KIRREL3: variants seen among roughly 807,000 people sequenced by gnomAD.
The protein encoded by KIRREL3 is kirre like nephrin family adhesion molecule 3.
Under a neutral mutation model 89.7 loss-of-function variants are expected in KIRREL3, and 36 were observed. The ratio of observed to expected loss-of-function variants is 0.40; its 90% CI spans 0.31 to 0.53. The LOEUF (loss-of-function observed/expected upper bound fraction) is 0.53. Ranked by LOEUF, KIRREL3 falls within the 20% of genes least tolerant of loss-of-function variation. The probability of loss-of-function intolerance (pLI) is 0.49; values close to 1 mark genes in which losing one functional copy is unlikely to be tolerated. For missense variants in KIRREL3, 864 were observed against 1,056.6 expected (o/e 0.82, Z 2.53); for synonymous variants, 445 against 441.4 (o/e 1.01, Z -0.10).
chr11:126,514,959 C>T (rs2134409604), intron 4 of KIRREL3, among the ~76,000 whole-genome samples: 1 of 152,326 alleles, frequency 6.6e-6, no homozygotes, highest in African/African-American at 2.4e-5. Context: ...CTAAATTTTC[C>T]CTAAGCCTTG....
Position 126,574,869 on chromosome 11 carries a change from G to A in KIRREL3, c.56-11957C>T, listed in dbSNP as rs1353019674. 3.9e-5 allele frequency among the ~76,000 whole-genome samples: 6 copies of A among 152,220 alleles called. No individual in the cohort carries two copies. Among genetic ancestry groups the A allele is most frequent in the African/African-American group, 1.2e-4 (5 of 41,450 alleles). On this transcript the variant is annotated intron_variant, in intron 1 of 16. Transcript: ENST00000525144. This position sits in a 1 kb window ranked among gnomAD's most constrained non-coding sequence, Gnocchi z 5.3. ...TTCTTGGAATAGGAATGAATAGTAC[G>A]AGAAAATACCTGGGTCCACACTGGC...
chr11:126,473,474 G>A lies in KIRREL3; in HGVS notation c.434-8C>T, dbSNP rs760586509. ...CGGGGTCATCAGGCGGCACTGCGGG[G>A]AGAGAAGCAGTGAGGTCAGGCCGAG... is the stretch of plus-strand genomic sequence containing the variant. On this transcript the variant is annotated splice_polypyrimidine_tract_variant and splice_region_variant and intron_variant, in intron 4 of 16. Coordinates refer to ENST00000525144, the MANE Select transcript of KIRREL3 (RefSeq NM_032531.4). 6.5e-7 allele frequency: 1 copy of A among 1,541,484 alleles called. No homozygotes were observed. Among genetic ancestry groups the A allele is most frequent in the African/African-American group, 1.4e-5 (1 of 74,004 alleles).
rs1318138179 is a variant in KIRREL3, at chr11:126,909,767, G to A, written c.55+90688C>T. 2.6e-5 allele frequency among the ~76,000 whole-genome samples: 4 copies of A among 152,128 alleles called. No homozygotes were observed. Among genetic ancestry groups the A allele is most frequent in the Admixed American group, 6.5e-5 (1 of 15,284 alleles). On this transcript the variant is annotated intron_variant, in intron 1 of 16. Coordinates refer to ENST00000525144, the MANE Select transcript of KIRREL3 (RefSeq NM_032531.4). The surrounding 1 kb of genome is among the most constrained non-coding windows in gnomAD (Gnocchi z 4.5). ...TGTCTCAGCTTTCATGAAAACAGTT[G>A]TGCATGAGGCTGAAGCACCGCCATT...
At chr11:126,932,855 T>C (rs1382155605) in intron 1 of KIRREL3, among the ~76,000 whole-genome samples, 1 of 152,248 alleles carries the variant, frequency 6.6e-6, no homozygotes, top group Non-Finnish European at 1.5e-5. Context: ...TATGATCTAA[T>C]AATTTATTAA....
chr11:126,452,222 T>C (rs2134221126), intron 7 of KIRREL3, among the ~76,000 whole-genome samples: 1 of 152,368 alleles, frequency 6.6e-6, no homozygotes, highest in African/African-American at 2.4e-5. Context: ...ATATCTCCCT[T>C]AGAGCTTAAG....
chr11:126,656,832 G>T lies in KIRREL3; in HGVS notation c.56-93920C>A, dbSNP rs1945160996. Among the ~76,000 whole-genome samples, 1 of 152,140 alleles carries T rather than the reference G, an allele frequency of 6.6e-6. No individual in the cohort carries two copies. The highest frequency in any genetic ancestry group is 1.5e-5 in the Non-Finnish European group (1 of 68,026). The stretch of plus-strand genomic sequence containing the variant: ...TTTGGGAGGCCAAGGTGTGTGCATC[G>T]CTTGGGGCTGGGAGTCCCAGACCAG... On this transcript the variant is annotated intron_variant, in intron 1 of 16. Coordinates refer to ENST00000525144, the MANE Select transcript of KIRREL3 (RefSeq NM_032531.4). The surrounding 1 kb of genome is among the most constrained non-coding windows in gnomAD (Gnocchi z 4.0).
rs1164038117 is a variant in KIRREL3, at chr11:126,558,153, A to G, written c.133+4682T>C. Among the ~76,000 whole-genome samples the G allele has an allele frequency of 6.6e-6, 1 of 152,176 alleles. No individual in the cohort carries two copies. The highest frequency in any genetic ancestry group is 1.5e-5 in the Non-Finnish European group (1 of 68,016). The stretch of plus-strand genomic sequence containing the variant: ...CCTGTGCAGGCCCCCCTCTGCCCCA[A>G]GGGGATGGCTGAAGGGGAGGTCAAA... On this transcript the variant is annotated intron_variant, in intron 2 of 16. Transcript: ENST00000525144. The surrounding 1 kb of genome is among the most constrained non-coding windows in gnomAD (Gnocchi z 4.0).
intron 1 of KIRREL3, among the ~76,000 whole-genome samples, chr11:126,634,198 G>C (rs1240112407): frequency 5.3e-5 from 8 of 152,164 alleles, no homozygotes; most frequent in Admixed American, 4.6e-4. Context: ...GGTACCGAAG[G>C]CTCTGAGTAA....
At chr11:126,588,271 T>A (rs976444718) in intron 1 of KIRREL3, among the ~76,000 whole-genome samples, 9 of 152,252 alleles carry the variant, frequency 5.9e-5, no homozygotes, top group Admixed American at 2.0e-4. Flanking sequence ...CCTTGCCCTT[T>A]GATACTCAGC....
rs771497593 is a variant in KIRREL3 at position 126,867,145 on chromosome 11, A to T, written c.55+133310T>A. Among the ~76,000 whole-genome samples, 1 of 152,234 alleles carries T rather than the reference A, an allele frequency of 6.6e-6. No homozygotes were observed. Among genetic ancestry groups the T allele is most frequent in the Non-Finnish European group, 1.5e-5 (1 of 68,038 alleles). ...CATGCTGCCTTGGGGTTGGAGCCCA[A>T]AAAACGTTCCCCACAATCTGCCTGT... On this transcript the variant is annotated intron_variant, in intron 1 of 16. Transcript: ENST00000525144. This position sits in a 1 kb window ranked among gnomAD's most constrained non-coding sequence, Gnocchi z 4.7.
In KIRREL3 at chr11:126,519,487, G is replaced by A. The variant is rs921741885; in HGVS notation, c.433+1828C>T. On this transcript the variant is annotated intron_variant, in intron 4 of 16. Coordinates refer to ENST00000525144, the MANE Select transcript of KIRREL3 (RefSeq NM_032531.4). This position sits in a 1 kb window ranked among gnomAD's most constrained non-coding sequence, Gnocchi z 4.3. ...GTTGGACTTTTTTACGTAACGTAGAGTTGAGAGGAAAGGAAGTGTAATGAT... is the reference window on the plus strand; with the variant it reads ...GTTGGACTTTTTTACGTAACGTAGAATTGAGAGGAAAGGAAGTGTAATGAT... 2.6e-5 allele frequency among the ~76,000 whole-genome samples: 4 copies of A among 152,246 alleles called. No homozygotes were observed. Among genetic ancestry groups the A allele is most frequent in the Non-Finnish European group, 5.9e-5 (4 of 68,048 alleles).
intron 1 of KIRREL3, among the ~76,000 whole-genome samples, chr11:126,856,776 C>T (rs372073062): frequency 1.4e-4 from 22 of 151,810 alleles, no homozygotes; most frequent in African/African-American, 4.6e-4. Flanking sequence ...CCACCATGCG[C>T]GGCTAATTTT....
intron 1 of KIRREL3, among the ~76,000 whole-genome samples, chr11:126,713,720 G>A (rs1947849163): frequency 6.6e-6 from 1 of 152,140 alleles, no homozygotes; most frequent in African/African-American, 2.4e-5. Context: ...GAGGGAGAGT[G>A]GAGGGTGTGG....
At position 126,696,458 on chromosome 11, in the gene KIRREL3, C is replaced by A. The variant is rs1248223277; in HGVS notation, c.56-133546G>T. On this transcript the variant is annotated intron_variant, in intron 1 of 16. Coordinates refer to ENST00000525144, the MANE Select transcript of KIRREL3 (RefSeq NM_032531.4). This position sits in a 1 kb window ranked among gnomAD's most constrained non-coding sequence, Gnocchi z 4.4. The stretch of plus-strand genomic sequence containing the variant: ...CAATCCCCAGCCTTCTATGAGATAC[C>A]ACATGCAGCCTGCAAACTCCCACAG... Among the ~76,000 whole-genome samples the A allele has an allele frequency of 6.6e-6, 1 of 152,054 alleles. No individual in the cohort carries two copies. The highest frequency in any genetic ancestry group is 1.5e-5 in the Non-Finnish European group (1 of 68,008).
At chr11:126,699,397 A>G (rs1032970983) in intron 1 of KIRREL3, among the ~76,000 whole-genome samples, 1 of 152,234 alleles carries the variant, frequency 6.6e-6, no homozygotes, top group East Asian at 1.9e-4. Flanking sequence ...TGAATACAAC[A>G]CGTTTCCAAT....
intron 1 of KIRREL3, among the ~76,000 whole-genome samples, chr11:126,654,809 A>AT (rs1430675475): frequency 3.3e-5 from 5 of 151,424 alleles, no homozygotes; most frequent in African/African-American, 1.2e-4. Context: ...TTATTTTTTT[A>AT]TTTTTTTACA....
At chr11:126,480,454 G>A (rs942418648) in intron 4 of KIRREL3, among the ~76,000 whole-genome samples, 10 of 152,168 alleles carry the variant, frequency 6.6e-5, no homozygotes, top group African/African-American at 2.2e-4. Context: ...TCATTTTATA[G>A]GTTAAGAAGC....
In KIRREL3 at chr11:126,492,180, C is replaced by A. The variant is rs1408260691; in HGVS notation, c.434-18714G>T. Among the ~76,000 whole-genome samples, 1 of 152,170 alleles carries A rather than the reference C, an allele frequency of 6.6e-6. No homozygotes were observed. The highest frequency in any genetic ancestry group is 1.5e-5 in the Non-Finnish European group (1 of 68,036). On this transcript the variant is annotated intron_variant, in intron 4 of 16. Transcript: ENST00000525144. The surrounding 1 kb of genome is among the most constrained non-coding windows in gnomAD (Gnocchi z 4.8). The stretch of plus-strand genomic sequence containing the variant: ...TGGGAGGATGATCTATAGACAGTCT[C>A]CTCTTCACTGAAAGGGGAAGATGGG...
rs1043291444 is a variant in KIRREL3 at position 126,555,024 on chromosome 11, C to T, written c.133+7811G>A. Among the ~76,000 whole-genome samples the T allele has an allele frequency of 6.6e-6, 1 of 152,150 alleles. No homozygotes were observed. Among genetic ancestry groups the T allele is most frequent in the Non-Finnish European group, 1.5e-5 (1 of 68,034 alleles). On this transcript the variant is annotated intron_variant, in intron 2 of 16. Transcript: ENST00000525144. This position sits in a 1 kb window ranked among gnomAD's most constrained non-coding sequence, Gnocchi z 4.2. ...TCCCCTTTCCAACTCCTCATTCCGC[C>T]AAGAGCCCCTTCCATCTCCCAATAA... is the stretch of plus-strand genomic sequence containing the variant.
Sources: allele counts gnomAD v4.1 joint callset (sites outside exome capture counted in the v4.1 genomes callset), GRCh38; gene constraint gnomAD v4.1.1; non-coding constraint Gnocchi (gnomAD v3.1); transcripts MANE v1.5; gene names NCBI Gene and HGNC (gene_info 2026-07-23, HGNC 2026-07-21).